Variants in KLHL4 observed in about 807,000 individuals in gnomAD.
KLHL4 encodes the protein kelch like family member 4.
KLHL4 carries 17 observed loss-of-function variants against 45.8 expected under a neutral mutation model. The ratio of observed to expected loss-of-function variants is 0.37; its 90% CI spans 0.25 to 0.56. The LOEUF is 0.56. Among genes scored for constraint, KLHL4 ranks in the 20% least tolerant of loss-of-function variants. The probability of loss-of-function intolerance (pLI) is 0.79; values close to 1 mark genes in which losing one functional copy is unlikely to be tolerated. For missense variants in KLHL4, 544 were observed against 544.9 expected, an observed-to-expected ratio of 1.00 and a Z score of 0.02; for synonymous variants, 224 against 189.9, an observed-to-expected ratio of 1.18 and a Z score of -1.47.
At chrX:87,551,246 C>A (rs1931808772) in intron 1 of KLHL4, among the ~76,000 whole-genome samples, 1 of 103,156 alleles carries the variant, frequency 9.7e-6, no homozygotes, top group Non-Finnish European at 2.0e-5. Context: ...ATCAATAACT[C>A]AACCCCTTTT....
intron 9 of KLHL4, among the ~76,000 whole-genome samples, chrX:87,654,797 G>A (rs748166451): frequency 4.5e-4 from 50 of 111,333 alleles, no homozygotes; most frequent in African/African-American, 1.4e-3. Context: ...CTGCATCTTT[G>A]CCAACATCTG....
chrX:87,626,178 G>T (rs963953663), intron 6 of KLHL4, among the ~76,000 whole-genome samples: 9 of 111,294 alleles, frequency 8.1e-5, no homozygotes, highest in Non-Finnish European at 1.5e-4. Context: ...AACCCCAGGG[G>T]GTCAGGGTAC....
intron 5 of KLHL4, among the ~76,000 whole-genome samples, chrX:87,624,584 A>G (rs1922860343): frequency 9.0e-6 from 1 of 111,339 alleles, no homozygotes; most frequent in Non-Finnish European, 1.9e-5. Flanking sequence ...ATGTAATAAG[A>G]TTGCCTCTTC....
At chrX:87,634,941 T>A (rs1486381403) in intron 8 of KLHL4, among the ~76,000 whole-genome samples, 1 of 111,829 alleles carries the variant, frequency 8.9e-6, no homozygotes, top group Non-Finnish European at 1.9e-5. Flanking sequence ...ATGTCTGTCT[T>A]CTTTATTAAT....
At chrX:87,553,292 TATC>T (rs1931876770) in intron 1 of KLHL4, among the ~76,000 whole-genome samples, 1 of 110,980 alleles carries the variant, frequency 9.0e-6, no homozygotes, top group Non-Finnish European at 1.9e-5. Flanking sequence ...AGAATACAAT[TATC>T]ATACTTTGAC....
At chrX:87,621,001 T>C (rs1469239905) in intron 4 of KLHL4, among the ~76,000 whole-genome samples, 1 of 112,606 alleles carries the variant, frequency 8.9e-6, no homozygotes, top group Non-Finnish European at 1.9e-5. Context: ...TTTGTCTTAA[T>C]CACAAAGAGT....
In KLHL4 at chrX:87,599,253, T is replaced by G. The variant is rs191932632; in HGVS notation, c.423-14624T>G. On this transcript the variant is annotated intron_variant, in intron 1 of 10. Transcript: ENST00000373119. ...TGCTTTCTGAGACTTCCACTTCATC[T>G]GTTCTCCTTAAGTCCCCACTGCCAG... 7.8e-3 allele frequency among the ~76,000 whole-genome samples: 862 copies of G among 111,133 alleles called. 5 individuals carry two copies. The highest frequency in any genetic ancestry group is 0.014 in the Non-Finnish European group (720 of 53,015).
In KLHL4 at chrX:87,563,614, A is replaced by AT. The variant is rs201144542; in HGVS notation, c.422+45299_422+45300insT. 7.4e-3 allele frequency among the ~76,000 whole-genome samples: 806 copies of AT among 108,565 alleles called. 10 individuals are homozygous for AT. The highest frequency in any genetic ancestry group is 0.026 in the African/African-American group (766 of 29,895). The allele number at this position is 108,565 out of a possible 115,157, so 94.3% of individuals were successfully genotyped here. ...ACACAGTCCAAAGGAGACAAAAAAA[A>AT]AAAAAAGGAATGAAGCACACCTACA... On this transcript the variant is annotated intron_variant, in intron 1 of 10. Coordinates refer to ENST00000373119, the MANE Select transcript of KLHL4 (RefSeq NM_019117.5).
At chrX:87,646,887 A>T (rs1296607087) in intron 9 of KLHL4, among the ~76,000 whole-genome samples, 2 of 111,644 alleles carry the variant, frequency 1.8e-5, no homozygotes, top group Non-Finnish European at 1.9e-5. Flanking sequence ...ACAAAAACAG[A>T]GATAAATAGA....
rs374404650 is a variant in KLHL4 at position 87,614,426 on chromosome X, A to G, written c.591-8A>G. 16 of 1,200,406 alleles carry G rather than the reference A, an allele frequency of 1.3e-5. No homozygotes were observed. Among genetic ancestry groups the G allele is most frequent in the African/African-American group, 5.3e-5 (3 of 56,888 alleles). ...ATTTAAATTCCTACAAATATTTCCTATTTCCAGGTTGGTTCTCAGCGCAGT... is the reference window on the plus strand; with the variant it reads ...ATTTAAATTCCTACAAATATTTCCTGTTTCCAGGTTGGTTCTCAGCGCAGT... On this transcript the variant is annotated splice_region_variant and splice_polypyrimidine_tract_variant and intron_variant, in intron 2 of 10. Coordinates refer to ENST00000373119, the MANE Select transcript of KLHL4 (RefSeq NM_019117.5).
chrX:87,552,118 G>C (rs1931840046), intron 1 of KLHL4, among the ~76,000 whole-genome samples: 1 of 111,248 alleles, frequency 9.0e-6, no homozygotes. Context: ...AATCCACAGA[G>C]TTGGAGAAAA....
intron 1 of KLHL4, among the ~76,000 whole-genome samples, chrX:87,582,060 G>T (rs886094606): frequency 3.6e-5 from 4 of 111,792 alleles, no homozygotes; most frequent in Non-Finnish European, 7.5e-5. Context: ...ATTTCACAAT[G>T]CAATCACAAG....
At chrX:87,659,997 T>C (rs1003769143) in intron 9 of KLHL4, among the ~76,000 whole-genome samples, 3 of 110,922 alleles carry the variant, frequency 2.7e-5, no homozygotes, top group Non-Finnish European at 5.7e-5. Context: ...TGTGTGTATT[T>C]GATTCCCCAA....
chrX:87,521,831 T>A (rs998144941), intron 1 of KLHL4, among the ~76,000 whole-genome samples: 2 of 112,205 alleles, frequency 1.8e-5, no homozygotes, highest in African/African-American at 6.5e-5. Context: ...TCCTGCCCTG[T>A]TATTCATTAT....
At chrX:87,540,875 C>T (rs865856609) in intron 1 of KLHL4, among the ~76,000 whole-genome samples, 1 of 111,422 alleles carries the variant, frequency 9.0e-6, no homozygotes, top group Non-Finnish European at 1.9e-5. Flanking sequence ...TTCTTTACAC[C>T]AACACCATCA....
intron 1 of KLHL4, among the ~76,000 whole-genome samples, chrX:87,546,608 G>A (rs764760756): frequency 1.8e-5 from 2 of 111,831 alleles, no homozygotes; most frequent in African/African-American, 6.5e-5. Flanking sequence ...GTGAGAAGAG[G>A]GACACAGTCC....
intron 1 of KLHL4, among the ~76,000 whole-genome samples, chrX:87,531,818 C>G (rs1480037737): frequency 1.1e-5 from 1 of 94,738 alleles, no homozygotes; most frequent in Non-Finnish European, 2.1e-5. Context: ...AACCACTGCT[C>G]AAGGAAATAA....
intron 1 of KLHL4, among the ~76,000 whole-genome samples, chrX:87,566,061 G>GGC (rs1932205460): frequency 9.7e-6 from 1 of 103,304 alleles, no homozygotes; most frequent in African/African-American, 3.6e-5. Flanking sequence ...TGCACGTTCT[G>GGC]CACATGTATC....
At chrX:87,593,113 G>C (rs964220223) in intron 1 of KLHL4, among the ~76,000 whole-genome samples, 2 of 111,565 alleles carry the variant, frequency 1.8e-5, no homozygotes, top group African/African-American at 6.5e-5. Context: ...TCTTGATGCT[G>C]TCAAGATCCC....
Sources: gnomAD v4.1 joint callset for allele counts (sites outside exome capture counted in the v4.1 genomes callset) on GRCh38, gnomAD v4.1.1 for gene constraint, MANE v1.5 for transcripts, NCBI Gene and HGNC (gene_info 2026-07-23, HGNC 2026-07-21) for gene names.